The following EBF1 variants were observed in gnomAD, a reference collection of about 807,000 sequenced individuals.
The protein encoded by EBF1 is transcription factor COE1.
Under a neutral mutation model 68.4 loss-of-function variants are expected in EBF1, and 10 were observed. That is an observed-to-expected ratio of 0.15 (90% CI 0.09 to 0.25). EBF1 has a LOEUF of 0.25. Among genes scored for constraint, EBF1 ranks in the 10% least tolerant of loss-of-function variants. EBF1 has a pLI of 1.00. For synonymous variants in EBF1, 298 were observed against 299.8 expected (o/e 0.99, Z 0.06); for missense variants, 509 against 794.4 (o/e 0.64, Z 4.32).
At chr5:158,930,878 C>T (rs888073855) in intron 6 of EBF1, among the ~76,000 whole-genome samples, 1 of 148,790 alleles carries the variant, frequency 6.7e-6, no homozygotes, top group African/African-American at 2.5e-5. Context: ...TTAATTTTCT[C>T]AGGTTACCCA....
At position 158,767,495 on chromosome 5, in the gene EBF1, C is replaced by G. The variant is rs530301377; in HGVS notation, c.1036+9918G>C. 3.3e-5 allele frequency among the ~76,000 whole-genome samples: 5 copies of G among 152,134 alleles called. No homozygotes were observed. The East Asian group carries it at 9.7e-4, about 29-fold the overall frequency. The stretch of plus-strand genomic sequence containing the variant: ...CAGTGCAGGCTCTGGTACCCTTCAC[C>G]AGGGTTCAAGTCCTGGCTCCTCCAC... On this transcript the variant is annotated intron_variant, in intron 10 of 15. Coordinates refer to ENST00000313708, the MANE Select transcript of EBF1 (RefSeq NM_024007.5).
chr5:158,994,764 GC>G (rs1198473632), intron 6 of EBF1, among the ~76,000 whole-genome samples: 2 of 152,120 alleles, frequency 1.3e-5, no homozygotes, highest in East Asian at 3.8e-4. Flanking sequence ...ATCCAGTAGG[GC>G]AAAAAACACA....
At position 158,734,292 on chromosome 5, in the gene EBF1, A is replaced by G. The variant is rs1423916223; in HGVS notation, c.1037-3135T>C. On this transcript the variant is annotated intron_variant, in intron 10 of 15. Coordinates refer to ENST00000313708, the MANE Select transcript of EBF1 (RefSeq NM_024007.5). ...CATATATTACTTATATAATCAGAGA[A>G]AAAGGTTAAGAGCAAGAGATTGTTG... 3.9e-5 allele frequency among the ~76,000 whole-genome samples: 6 copies of G among 152,184 alleles called. 1 individual carries two copies. The highest frequency in any genetic ancestry group is 3.3e-4 in the Admixed American group (5 of 15,274).
At chr5:158,709,281 A>T (rs1261357522) in intron 14 of EBF1, among the ~76,000 whole-genome samples, 1 of 151,852 alleles carries the variant, frequency 6.6e-6, no homozygotes, top group Non-Finnish European at 1.5e-5. Flanking sequence ...CGTCTTTTTC[A>T]TCTTGTCATG....
Position 159,009,771 on chromosome 5 carries a change from CAA to C in EBF1, c.554+63623_554+63624del, listed in dbSNP as rs11301958. ...TGGGCAAGAGAGCAAGACCCCATCT[CAA>C]AAAAAAAAAAAAAGCAAAAATAAAT... On this transcript the variant is annotated intron_variant, in intron 6 of 15. Coordinates refer to ENST00000313708, the MANE Select transcript of EBF1 (RefSeq NM_024007.5). Among the ~76,000 whole-genome samples the C allele has an allele frequency of 8.9e-3, 1,106 of 124,162 alleles. 4 individuals are homozygous for C. Among genetic ancestry groups the C allele is most frequent in the East Asian group, 0.029 (116 of 3,990 alleles). 81.5% of individuals were successfully genotyped at this position (124,162 alleles called of 152,430 possible). A position where few individuals can be genotyped will look rare whatever the true frequency, so the allele number is the denominator to read the frequency against.
chr5:158,733,048 TCAA>T (rs1348629720), intron 10 of EBF1, among the ~76,000 whole-genome samples: 1 of 152,192 alleles, frequency 6.6e-6, no homozygotes, highest in Admixed American at 6.5e-5. Flanking sequence ...AATTCTTTTT[TCAA>T]ATTAGACTTG....
rs368229181 is a variant in EBF1 at position 158,722,704 on chromosome 5, C to A, written c.1125+8365G>T. On this transcript the variant is annotated intron_variant, in intron 11 of 15. Transcript: ENST00000313708. ...TATCTGTAAATGATAATTCTCAAGC[C>A]TTTACAGATGGTCCTGAGTATAACT... is the stretch of plus-strand genomic sequence containing the variant. 5.3e-5 allele frequency among the ~76,000 whole-genome samples: 8 copies of A among 152,274 alleles called. No individual in the cohort carries two copies. The East Asian group carries it at 1.5e-3, about 29-fold the overall frequency.
chr5:158,886,273 C>T (rs10070382), intron 6 of EBF1, among the ~76,000 whole-genome samples: 118,079 of 152,242 alleles, frequency 0.78, 46,473 homozygotes, highest in South Asian at 0.88. Flanking sequence ...CCAACAGACG[C>T]TCCTTGCATT....
intron 6 of EBF1, among the ~76,000 whole-genome samples, chr5:158,951,835 C>G (rs1246337337): frequency 1.3e-5 from 2 of 152,202 alleles, no homozygotes; most frequent in African/African-American, 2.4e-5. Flanking sequence ...GGCTTGGAAA[C>G]AGAGACAGGA....
At chr5:158,839,936 A>G (rs1393278260) in intron 7 of EBF1, 93 bp downstream of exon 7, 12 of 1,267,936 alleles carry the variant, frequency 9.5e-6, no homozygotes, top group African/African-American at 1.5e-5. Flanking sequence ...CACCTCTGGG[A>G]AAAAAAGCTA....
At chr5:158,731,964 T>A (rs917859086) in intron 10 of EBF1, among the ~76,000 whole-genome samples, 1 of 152,216 alleles carries the variant, frequency 6.6e-6, no homozygotes, top group African/African-American at 2.4e-5. Context: ...CAATATTAAG[T>A]GGACTCTGGT....
intron 6 of EBF1, among the ~76,000 whole-genome samples, chr5:159,035,858 C>A (rs1007698976): frequency 4.6e-5 from 7 of 152,212 alleles, no homozygotes; most frequent in African/African-American, 1.7e-4. Flanking sequence ...GATAATCACT[C>A]ACTCCCTTAA....
chr5:159,035,543 T>C lies in EBF1; in HGVS notation c.554+37853A>G, dbSNP rs1030558418. Among the ~76,000 whole-genome samples the C allele has an allele frequency of 5.3e-5, 8 of 152,168 alleles. 1 individual carries two copies. Among genetic ancestry groups the C allele is most frequent in the Admixed American group, 1.3e-4 (2 of 15,272 alleles). On this transcript the variant is annotated intron_variant, in intron 6 of 15. Coordinates refer to ENST00000313708, the MANE Select transcript of EBF1 (RefSeq NM_024007.5). ...ATGGTTTCATACTTAGAGGCTGAAA[T>C]TAAACTACCTGGATTCAAATCCCAG...
chr5:158,777,327 A>G, intron 10 of EBF1, 86 bp downstream of exon 10: 1 of 1,335,712 alleles, frequency 7.5e-7, no homozygotes, highest in Non-Finnish European at 9.8e-7. Context: ...TTAAAATAAA[A>G]TACATGCTTT....
rs193048437 is a variant in EBF1, at chr5:158,847,120, G to T, written c.555-7010C>A. 1.9e-4 allele frequency among the ~76,000 whole-genome samples: 29 copies of T among 152,212 alleles called. No homozygotes were observed. In the East Asian group the frequency reaches 5.4e-3, roughly 28 times the overall value. ...GTCCTTTAGATCTTGGGCATTTCTGGAAAGTGTTCTCAGCCTGAAGGGATG... is the reference window on the plus strand; with the variant it reads ...GTCCTTTAGATCTTGGGCATTTCTGTAAAGTGTTCTCAGCCTGAAGGGATG... On this transcript the variant is annotated intron_variant, in intron 6 of 15. Coordinates refer to ENST00000313708, the MANE Select transcript of EBF1 (RefSeq NM_024007.5).
chr5:159,091,357 C>T (rs1009416722), intron 4 of EBF1, among the ~76,000 whole-genome samples: 2 of 152,190 alleles, frequency 1.3e-5, no homozygotes, highest in African/African-American at 2.4e-5. Context: ...TTACATTTTC[C>T]CAAACACAGG....
At chr5:158,755,658 T>C (rs1164295185) in intron 10 of EBF1, among the ~76,000 whole-genome samples, 1 of 152,106 alleles carries the variant, frequency 6.6e-6, no homozygotes, top group Non-Finnish European at 1.5e-5. Context: ...TTTGAGATAT[T>C]TGATGGACTT....
At chr5:158,839,932 T>C in intron 7 of EBF1, 97 bp downstream of exon 7, 5 of 1,212,600 alleles carry the variant, frequency 4.1e-6, no homozygotes, top group Non-Finnish European at 6.1e-6. Context: ...TCTTCACCTC[T>C]GGGAAAAAAA....
intron 6 of EBF1, among the ~76,000 whole-genome samples, chr5:159,015,834 T>C (rs1029413647): frequency 2.0e-5 from 3 of 152,248 alleles, no homozygotes; most frequent in African/African-American, 7.2e-5. Context: ...GGTCCTAGAC[T>C]TAGCCTGAAA....
Sources: allele counts gnomAD v4.1 joint callset (sites outside exome capture counted in the v4.1 genomes callset), GRCh38; gene constraint gnomAD v4.1.1; transcripts MANE v1.5; gene names NCBI Gene and HGNC (gene_info 2026-07-23, HGNC 2026-07-21).